The following TTC28 variants were observed in gnomAD, a reference collection of about 807,000 sequenced individuals.
The protein encoded by TTC28 is tetratricopeptide repeat domain 28.
Under a neutral mutation model 198.0 loss-of-function variants are expected in TTC28, and 61 were observed. The ratio of observed to expected loss-of-function variants is 0.31; its 90% CI spans 0.25 to 0.38. The LOEUF (loss-of-function observed/expected upper bound fraction) is 0.38, where lower values mean the gene tolerates loss of function less well. Among genes scored for constraint, TTC28 ranks in the 10% least tolerant of loss-of-function variants. The probability of loss-of-function intolerance (pLI) is 1.00; values close to 1 mark genes in which losing one functional copy is unlikely to be tolerated. For missense variants in TTC28, 2,678 were observed against 3,164.0 expected (o/e 0.85, Z 3.69); for synonymous variants, 1,171 against 1,297.8 (o/e 0.90, Z 2.10).
At chr22:28,097,908 TAA>T (rs1942023521) in intron 10 of TTC28, among the ~76,000 whole-genome samples, 1 of 152,178 alleles carries the variant, frequency 6.6e-6, no homozygotes, top group Non-Finnish European at 1.5e-5. Context: ...TTATAATAGA[TAA>T]TAAACTGTAA....
intron 2 of TTC28, among the ~76,000 whole-genome samples, chr22:28,341,336 C>T (rs2045824744): frequency 6.6e-6 from 1 of 152,130 alleles, no homozygotes; most frequent in Admixed American, 6.5e-5. Flanking sequence ...CAAGCTTTTG[C>T]AATTTTGAAT....
chr22:28,088,161 A>T lies in TTC28; in HGVS notation c.3932+5919T>A, dbSNP rs192790637. Among the ~76,000 whole-genome samples the T allele has an allele frequency of 2.3e-3, 356 of 152,268 alleles. 3 individuals are homozygous for T. Among genetic ancestry groups the T allele is most frequent in the Non-Finnish European group, 3.6e-3 (245 of 68,008 alleles). On this transcript the variant is annotated intron_variant, in intron 12 of 22. Coordinates refer to ENST00000397906, the MANE Select transcript of TTC28 (RefSeq NM_001145418.2). ...TTTCTTCACAGAATTGGAGAAAACT[A>T]CTTTAAAGTTCATATGGCACCAAAA...
intron 1 of TTC28, among the ~76,000 whole-genome samples, chr22:28,651,311 C>CTTTTTTTTTTTTTTTTTTTTTT (rs111469498): frequency 6.8e-6 from 1 of 147,456 alleles, no homozygotes. Context: ...TCTGTCACTC[C>CTTTTTTTTTTTTTTTTTTTTTT]TTTTTTTTGA....
chr22:28,030,149 C>CCGT, intron 13 of TTC28, 77 bp downstream of exon 13: 12 of 1,506,766 alleles, frequency 8.0e-6, no homozygotes, highest in South Asian at 5.2e-5. Flanking sequence ...CTGGAAGGAG[C>CCGT]ATCCACTGAA....
intron 2 of TTC28, among the ~76,000 whole-genome samples, chr22:28,593,367 C>T (rs548973133): frequency 6.6e-6 from 1 of 152,310 alleles, no homozygotes; most frequent in Non-Finnish European, 1.5e-5. Context: ...CAGACTAAAA[C>T]TTATTCCCAA....
At position 28,297,567 on chromosome 22, in the gene TTC28, A is replaced by C; in HGVS notation, c.802+13T>G. 6.5e-7 allele frequency: 1 copy of C among 1,542,290 alleles called. No individual in the cohort carries two copies. Among genetic ancestry groups the C allele is most frequent in the African/African-American group, 1.4e-5 (1 of 72,800 alleles). The stretch of plus-strand genomic sequence containing the variant: ...TTCCCTTTCTGCACTGAAATAGAGA[A>C]GCATCACTCTACCTAAGGTCTTGGC... On this transcript the variant is annotated intron_variant, in intron 4 of 22. Coordinates refer to ENST00000397906, the MANE Select transcript of TTC28 (RefSeq NM_001145418.2).
At chr22:28,465,238 A>T (rs2048001344) in intron 2 of TTC28, among the ~76,000 whole-genome samples, 1 of 152,214 alleles carries the variant, frequency 6.6e-6, no homozygotes, top group African/African-American at 2.4e-5. Flanking sequence ...AGACCTAGAT[A>T]AGGAGAAGAG....
chr22:28,446,166 G>A (rs1209066410), intron 2 of TTC28, among the ~76,000 whole-genome samples: 3 of 151,466 alleles, frequency 2.0e-5, no homozygotes, highest in Non-Finnish European at 4.4e-5. Context: ...TAGAGGCAGG[G>A]ACTTTGTCTT....
At chr22:28,037,181 T>C (rs1187039840) in intron 12 of TTC28, among the ~76,000 whole-genome samples, 1 of 152,122 alleles carries the variant, frequency 6.6e-6, no homozygotes, top group Non-Finnish European at 1.5e-5. Flanking sequence ...GCCAGCATCA[T>C]CCTGATACCA....
At chr22:28,640,839 T>C (rs1459440967) in intron 1 of TTC28, among the ~76,000 whole-genome samples, 3 of 152,192 alleles carry the variant, frequency 2.0e-5, no homozygotes, top group Middle Eastern at 3.2e-3. Context: ...ATAGAGTTAC[T>C]ATATGATCCA....
intron 5 of TTC28, among the ~76,000 whole-genome samples, chr22:28,196,304 C>A (rs1925330438): frequency 6.6e-6 from 1 of 152,140 alleles, no homozygotes; most frequent in African/African-American, 2.4e-5. Flanking sequence ...GGATAAAAGA[C>A]TTAAATGTTA....
Position 28,236,489 on chromosome 22 carries a change from TTGATAG to T in TTC28, c.933+59703_933+59708del, listed in dbSNP as rs536479082. Among the ~76,000 whole-genome samples the T allele has an allele frequency of 7.1e-3, 1,076 of 152,260 alleles. 11 individuals are homozygous for T. Among genetic ancestry groups the T allele is most frequent in the African/African-American group, 0.025 (1,039 of 41,548 alleles). ...GTCTTTAAAGGCATTCATGACCCTA[TTGATAG>T]TGATAAATAGGACACTGGTAATAGG... On this transcript the variant is annotated intron_variant, in intron 5 of 22. Transcript: ENST00000397906.
At chr22:28,371,611 T>TTTTTTTTTTTTTTTTTTTTTTTTC (rs1569288638) in intron 2 of TTC28, among the ~76,000 whole-genome samples, 1 of 99,590 alleles carries the variant, frequency 1.0e-5, no homozygotes, top group African/African-American at 3.8e-5. Context: ...TTTTTTTTTT[T>TTTTTTTTTTTTTTTTTTTTTTTTC]TGAGACAGAG....
intron 12 of TTC28, among the ~76,000 whole-genome samples, chr22:28,070,050 T>C (rs1377736183): frequency 6.6e-6 from 1 of 152,162 alleles, no homozygotes; most frequent in African/African-American, 2.4e-5. Context: ...ATAAATTTTT[T>C]GCCTGTATAT....
chr22:28,433,716 A>G (rs1313161189), intron 2 of TTC28, among the ~76,000 whole-genome samples: 1 of 152,118 alleles, frequency 6.6e-6, no homozygotes, highest in Non-Finnish European at 1.5e-5. Context: ...GCTCTCCAGG[A>G]TATGTAATTC....
chr22:28,198,259 G>A (rs927153492), intron 5 of TTC28, among the ~76,000 whole-genome samples: 4 of 152,034 alleles, frequency 2.6e-5, no homozygotes, highest in Non-Finnish European at 4.4e-5. Flanking sequence ...ACCTCTAATC[G>A]ATAGATGCCA....
intron 6 of TTC28, among the ~76,000 whole-genome samples, chr22:28,121,668 C>G (rs1942790090): frequency 6.6e-6 from 1 of 152,216 alleles, no homozygotes. Flanking sequence ...TTGTGGCAGA[C>G]AGCAAAGGCT....
chr22:28,411,576 T>C (rs1485608615), intron 2 of TTC28, among the ~76,000 whole-genome samples: 1 of 152,164 alleles, frequency 6.6e-6, no homozygotes, highest in East Asian at 1.9e-4. Flanking sequence ...GAGAACTACA[T>C]CCTTTCCAAA....
intron 2 of TTC28, among the ~76,000 whole-genome samples, chr22:28,524,449 G>A (rs1293245788): frequency 3.8e-5 from 5 of 130,364 alleles, no homozygotes; most frequent in Admixed American, 8.7e-5. Context: ...GACAGAGCCA[G>A]AAGCCAGCTC....
Sources: allele counts gnomAD v4.1 joint callset (sites outside exome capture counted in the v4.1 genomes callset), GRCh38; gene constraint gnomAD v4.1.1; transcripts MANE v1.5; gene names NCBI Gene and HGNC (gene_info 2026-07-23, HGNC 2026-07-21).